PDZRN4: variants seen among roughly 807,000 people sequenced by gnomAD.
PDZRN4 encodes the protein PDZ domain containing ring finger 4.
Under a neutral mutation model 99.0 loss-of-function variants are expected in PDZRN4, and 70 were observed. The ratio of observed to expected loss-of-function variants is 0.71; its 90% CI spans 0.58 to 0.86. The LOEUF (loss-of-function observed/expected upper bound fraction) is 0.86, where lower values mean the gene tolerates loss of function less well. PDZRN4 is among the 40% of genes least tolerant of loss of function. The probability of loss-of-function intolerance (pLI) is 0.00; values close to 1 mark genes in which losing one functional copy is unlikely to be tolerated. For synonymous variants in PDZRN4, 551 were observed against 501.6 expected (o/e 1.10, Z -1.32); for missense variants, 1,474 against 1,331.2 (o/e 1.11, Z -1.67).
At chr12:41,300,392 T>C (rs1951526967) in intron 3 of PDZRN4, among the ~76,000 whole-genome samples, 1 of 152,004 alleles carries the variant, frequency 6.6e-6, no homozygotes. Context: ...ATGTTTCAAA[T>C]ACAGATATTA....
At chr12:41,382,802 A>G (rs567105685) in intron 3 of PDZRN4, among the ~76,000 whole-genome samples, 248 of 152,340 alleles carry the variant, frequency 1.6e-3, no homozygotes, top group Non-Finnish European at 2.9e-3. Flanking sequence ...ATAGCTGTAT[A>G]GCACAAGAAC....
At chr12:41,297,503 C>T (rs1198538476) in intron 3 of PDZRN4, among the ~76,000 whole-genome samples, 1 of 152,098 alleles carries the variant, frequency 6.6e-6, no homozygotes, top group Non-Finnish European at 1.5e-5. Flanking sequence ...TAAACTAAGG[C>T]CTGTTCTCTG....
intron 7 of PDZRN4, among the ~76,000 whole-genome samples, chr12:41,560,986 C>T (rs529622243): frequency 6.6e-5 from 10 of 152,226 alleles, no homozygotes; most frequent in South Asian, 6.2e-4. Flanking sequence ...ATCCCAGGTA[C>T]GATCCTGAAG....
chr12:41,281,510 G>C (rs1234551981), intron 3 of PDZRN4, among the ~76,000 whole-genome samples: 1 of 152,176 alleles, frequency 6.6e-6, no homozygotes, highest in African/African-American at 2.4e-5. Flanking sequence ...AACCAGTTTA[G>C]AGAAGAACAT....
intron 5 of PDZRN4, among the ~76,000 whole-genome samples, chr12:41,530,548 G>C (rs1197364666): frequency 1.3e-5 from 2 of 152,128 alleles, no homozygotes; most frequent in Non-Finnish European, 2.9e-5. Context: ...GGGTGTTTTA[G>C]TTTTGTAATA....
chr12:41,254,245 G>T (rs916978348), intron 3 of PDZRN4, among the ~76,000 whole-genome samples: 2 of 152,084 alleles, frequency 1.3e-5, no homozygotes, highest in African/African-American at 4.8e-5. Context: ...GCCACAGTTT[G>T]TTATTTAGCA....
At chr12:41,460,438 A>T (rs1952860891) in intron 3 of PDZRN4, among the ~76,000 whole-genome samples, 1 of 152,170 alleles carries the variant, frequency 6.6e-6, no homozygotes. Flanking sequence ...TTATAAACTG[A>T]GTCTGGAAAG....
At chr12:41,355,587 A>C (rs1406351535) in intron 3 of PDZRN4, among the ~76,000 whole-genome samples, 2 of 152,114 alleles carry the variant, frequency 1.3e-5, no homozygotes, top group Non-Finnish European at 2.9e-5. Flanking sequence ...ATTTGCATAT[A>C]TGCATTCAGT....
chr12:41,375,970 C>T (rs1952076016), intron 3 of PDZRN4, among the ~76,000 whole-genome samples: 1 of 152,122 alleles, frequency 6.6e-6, no homozygotes, highest in South Asian at 2.1e-4. Flanking sequence ...TTTTCAATTC[C>T]ACATATAAGC....
intron 3 of PDZRN4, among the ~76,000 whole-genome samples, chr12:41,320,654 G>A (rs1951670561): frequency 6.6e-6 from 1 of 152,298 alleles, no homozygotes; most frequent in African/African-American, 2.4e-5. Flanking sequence ...ACAAGCAGAT[G>A]TCAACAGTGA....
At chr12:41,408,241 G>T (rs947559454) in intron 3 of PDZRN4, among the ~76,000 whole-genome samples, 1 of 152,206 alleles carries the variant, frequency 6.6e-6, no homozygotes, top group Admixed American at 6.5e-5. Flanking sequence ...TTTCACCTTC[G>T]TGGAAACATT....
Position 41,279,957 on chromosome 12 carries a change from C to T in PDZRN4, c.843+85769C>T, listed in dbSNP as rs376565793. 3.9e-4 allele frequency among the ~76,000 whole-genome samples: 60 copies of T among 152,288 alleles called. No homozygotes were observed. In the East Asian group the frequency reaches 9.7e-3, roughly 25 times the overall value. ...GAATAGGAACAGCTGTGGTCTGCAG[C>T]TCCCAGCAAGGCCCATGCAGAAGGT... On this transcript the variant is annotated intron_variant, in intron 3 of 9. Coordinates refer to ENST00000402685, the MANE Select transcript of PDZRN4 (RefSeq NM_001164595.2).
intron 3 of PDZRN4, among the ~76,000 whole-genome samples, chr12:41,372,244 A>C (rs1254168820): frequency 6.6e-6 from 1 of 152,148 alleles, no homozygotes; most frequent in East Asian, 1.9e-4. Flanking sequence ...TAATTATAAA[A>C]CCAGTTATAT....
intron 3 of PDZRN4, among the ~76,000 whole-genome samples, chr12:41,360,091 G>A (rs1005818275): frequency 2.6e-5 from 4 of 151,842 alleles, no homozygotes; most frequent in Non-Finnish European, 5.9e-5. Context: ...GTTGTGTGTC[G>A]TTTTCCTAAG....
chr12:41,394,630 T>A (rs566029315), intron 3 of PDZRN4, among the ~76,000 whole-genome samples: 1 of 152,152 alleles, frequency 6.6e-6, no homozygotes, highest in South Asian at 2.1e-4. Flanking sequence ...CTGGGGAGAT[T>A]TTGCTTCCAC....
chr12:41,407,161 C>T (rs1222646700), intron 3 of PDZRN4, among the ~76,000 whole-genome samples: 1 of 152,176 alleles, frequency 6.6e-6, no homozygotes, highest in Non-Finnish European at 1.5e-5. Flanking sequence ...GTACAAGGTT[C>T]AGCCCTTGGC....
intron 3 of PDZRN4, among the ~76,000 whole-genome samples, chr12:41,227,504 A>C (rs959552809): frequency 6.6e-6 from 1 of 152,004 alleles, no homozygotes; most frequent in African/African-American, 2.4e-5. Context: ...ATCTCTACCC[A>C]AAATACAAAA....
chr12:41,551,818 A>G (rs1939061645), intron 5 of PDZRN4, among the ~76,000 whole-genome samples: 1 of 152,220 alleles, frequency 6.6e-6, no homozygotes. Flanking sequence ...GGAAATATGT[A>G]ATTTATCCTG....
chr12:41,352,869 A>G (rs1012235626), intron 3 of PDZRN4, among the ~76,000 whole-genome samples: 2 of 152,148 alleles, frequency 1.3e-5, no homozygotes, highest in African/African-American at 4.8e-5. Flanking sequence ...AAAACTACAC[A>G]TGTGAAAAGG....
Sources: allele counts gnomAD v4.1 joint callset (sites outside exome capture counted in the v4.1 genomes callset), GRCh38; gene constraint gnomAD v4.1.1; transcripts MANE v1.5; gene names NCBI Gene and HGNC (gene_info 2026-07-23, HGNC 2026-07-21).